The following PRR27 variants were observed in gnomAD, a reference collection of about 807,000 sequenced individuals.
The protein encoded by PRR27 is proline rich 27, also known as proline-rich protein 27.
A neutral mutation model predicts 16.8 loss-of-function variants in PRR27; 12 were observed. That is an observed-to-expected ratio of 0.71 (90% CI 0.46 to 1.16). PRR27 has a LOEUF of 1.16. Ranked by LOEUF, PRR27 falls within the 50% of genes most tolerant of loss-of-function variation. The pLI is 0.00. For synonymous variants in PRR27, 100 were observed against 98.4 expected, an observed-to-expected ratio of 1.02 and a Z score of -0.10; for missense variants, 277 against 273.3, an observed-to-expected ratio of 1.01 and a Z score of -0.10.
chr4:70,158,517 C>T lies in PRR27; in HGVS notation c.265C>T (p.His89Tyr), dbSNP rs147641899. ...TTCTCCTGGATTCCCCTATGTCTAT[C>T]ACATCCGTGGTTTTCCCTTAGCTAC... ...LTSPGFPYVYHIRGFPLATQL... is the reference protein window; with the variant it reads ...LTSPGFPYVYYIRGFPLATQL... Residue 89 changes from histidine to tyrosine, a missense_variant, in exon 3 of 5, where the codon CAC becomes TAC. His to Tyr is a moderately conservative substitution (Grantham distance 83, BLOSUM62 2). Transcript: ENST00000344526. 24 of 1,614,056 alleles carry T rather than the reference C, an allele frequency of 1.5e-5. No homozygotes were observed. The African/African-American group carries it at 2.7e-4, about 18-fold the overall frequency.
At position 70,158,811 on chromosome 4, in the gene PRR27, G is replaced by C. The variant is rs2109791972; in HGVS notation, c.559G>C (p.Glu187Gln). The C allele has an allele frequency of 1.2e-6, 2 of 1,613,954 alleles. No homozygotes were observed. Among genetic ancestry groups the C allele is most frequent in the East Asian group, 4.5e-5 (2 of 44,858 alleles). Residue 187 changes from glutamate to glutamine, a missense_variant, in exon 3 of 5, where the codon GAG becomes CAG. Glu to Gln is a conservative substitution (Grantham distance 29). Transcript: ENST00000344526. ...TGCTGCAGAGGCACCTGTTGGAGTG[G>C]AGCCAGCTGCAGAGGAACCTTCACC... ...EPAAEAPVGV[E>Q]PAAEEPSPAE...
chr4:70,154,841 A>T, intron 1 of PRR27: 1 of 1,054,314 alleles, frequency 9.5e-7, no homozygotes, highest in South Asian at 1.3e-5. Flanking sequence ...AAGTAAATGC[A>T]CATCATACCT....
At chr4:70,160,437 C>CTGTGTGTGTGTG (rs1413873981) in intron 3 of PRR27, among the ~76,000 whole-genome samples, 1,943 of 77,478 alleles carry the variant, frequency 0.025, 33 homozygotes, top group East Asian at 0.057. Flanking sequence ...CTCTCTCTCT[C>CTGTGTGTGTGTG]TCTCTCTGTG....
chr4:70,162,635 TTAAG>T (rs1351732589), intron 4 of PRR27, 56 bp from the exon 5 acceptor site: 3 of 152,192 alleles, frequency 2.0e-5, no homozygotes, highest in Non-Finnish European at 4.4e-5. Flanking sequence ...TAATTTTGCT[TTAAG>T]TGTGAGTCAT....
intron 2 of PRR27, among the ~76,000 whole-genome samples, chr4:70,157,317 A>G (rs554838589): frequency 6.6e-6 from 1 of 152,114 alleles, no homozygotes; most frequent in African/African-American, 2.4e-5. Flanking sequence ...TGGCACAGAG[A>G]AGGTACACAT....
chr4:70,158,922 A>T, intron 3 of PRR27, 22 bp downstream of exon 3: 2 of 1,570,206 alleles, frequency 1.3e-6, no homozygotes, highest in Non-Finnish European at 1.7e-6. Context: ...ATATCTTACC[A>T]CTATAATGTA....
At chr4:70,161,543 A>G in intron 3 of PRR27, 43 bp from the exon 4 acceptor site, 1 of 1,302,438 alleles carries the variant, frequency 7.7e-7, no homozygotes, top group Non-Finnish European at 1.1e-6. Context: ...AATAAAGTAC[A>G]TTTGATTGTT....
At chr4:70,160,027 TTA>T (rs910986458) in intron 3 of PRR27, among the ~76,000 whole-genome samples, 39 of 151,794 alleles carry the variant, frequency 2.6e-4, no homozygotes, top group Admixed American at 6.6e-4. Context: ...TATCCTCTTT[TTA>T]AAAAAAAAAT....
rs1278143714 is a variant in PRR27 at position 70,166,395 on chromosome 4, A to T, written c.*3734A>T. 2.0e-5 allele frequency: 3 copies of T among 152,060 alleles called. No homozygotes were observed. Among genetic ancestry groups the T allele is most frequent in the Non-Finnish European group, 2.9e-5 (2 of 67,934 alleles). The allele number at this position is 152,060 out of a possible 1,614,324, so 9.4% of individuals were successfully genotyped here. The stretch of plus-strand genomic sequence containing the variant: ...GTGTGCATGTGCATGCATAGTAAAA[A>T]TCTTAACCCAAAACTGAAATAAAAA... On this transcript the variant is annotated 3_prime_UTR_variant, in exon 5 of 5. Coordinates refer to ENST00000344526, the MANE Select transcript of PRR27 (RefSeq NM_214711.4).
intron 3 of PRR27, among the ~76,000 whole-genome samples, chr4:70,160,265 C>A (rs184490493): frequency 1.8e-4 from 28 of 152,172 alleles, no homozygotes; most frequent in Non-Finnish European, 3.4e-4. Flanking sequence ...GCTTAGCTCC[C>A]ATTTATAAGT....
In PRR27 at chr4:70,165,899, A is replaced by C. The variant is rs915017652; in HGVS notation, c.*3238A>C. ...TCCAGTGATTGCCAGATGGCCCACT[A>C]TACATCCTTTCTTCTATTTCTTTCT... On this transcript the variant is annotated 3_prime_UTR_variant, in exon 5 of 5. Coordinates refer to ENST00000344526, the MANE Select transcript of PRR27 (RefSeq NM_214711.4). The C allele has an allele frequency of 6.6e-6, 1 of 152,106 alleles. No individual in the cohort carries two copies. Among genetic ancestry groups the C allele is most frequent in the African/African-American group, 2.4e-5 (1 of 41,436 alleles). 9.4% of individuals were successfully genotyped at this position (152,106 alleles called of 1,614,324 possible).
rs147658012 is a variant in PRR27 at position 70,164,030 on chromosome 4, A to G, written c.*1369A>G. The G allele has an allele frequency of 6.6e-6, 1 of 152,068 alleles. No individual in the cohort carries two copies. The highest frequency in any genetic ancestry group is 1.5e-5 in the Non-Finnish European group (1 of 68,014). 9.4% of individuals were successfully genotyped at this position (152,068 alleles called of 1,614,324 possible). On this transcript the variant is annotated 3_prime_UTR_variant, in exon 5 of 5. Transcript: ENST00000344526. ...CAGAATACTCTTCCCTGAGCACTCT[A>G]TCTAAATAAATCCCTCTTCTGCAAC...
At position 70,166,268 on chromosome 4, in the gene PRR27, TTTAAG is replaced by T. The variant is rs1728765093; in HGVS notation, c.*3612_*3616del. 6.6e-6 allele frequency: 1 copy of T among 152,068 alleles called. No homozygotes were observed. The highest frequency in any genetic ancestry group is 1.5e-5 in the Non-Finnish European group (1 of 67,952). 9.4% of individuals were successfully genotyped at this position (152,068 alleles called of 1,614,324 possible). On this transcript the variant is annotated 3_prime_UTR_variant, in exon 5 of 5. Coordinates refer to ENST00000344526, the MANE Select transcript of PRR27 (RefSeq NM_214711.4). ...TTATGCTATAGAACTTATAGACTAA[TTTAAG>T]TTAATTATAGGCCTTATCTCAGACC...
intron 1 of PRR27, chr4:70,154,724 A>G: frequency 7.3e-7 from 1 of 1,366,646 alleles, no homozygotes; most frequent in Non-Finnish European, 9.6e-7. Context: ...ATCTTAACAG[A>G]GTTTATCTCT....
chr4:70,157,750 A>G (rs1409766380), intron 2 of PRR27, among the ~76,000 whole-genome samples: 1 of 152,004 alleles, frequency 6.6e-6, no homozygotes, highest in Non-Finnish European at 1.5e-5. Flanking sequence ...CGATCTCTTG[A>G]CCTCGTGATC....
In PRR27 at chr4:70,158,722, A is replaced by AGCCTGCTGCAGAGGCACCTGT; in HGVS notation, c.471_491dup (p.Pro158_Val164dup). ...GCTGCAGGGGCCCCTGTTGCAGCTG[A>AGCCTGCTGCAGAGGCACCTGT]GCCTGCTGCAGAGGCACCTGTTGGA... On this transcript the variant is annotated inframe_insertion, in exon 3 of 5. Transcript: ENST00000344526. 1.9e-6 allele frequency: 3 copies of AGCCTGCTGCAGAGGCACCTGT among 1,580,450 alleles called. No homozygotes were observed. The highest frequency in any genetic ancestry group is 1.7e-4 in the Middle Eastern group (1 of 5,984).
At chr4:70,158,953 A>AG (rs1728568391) in intron 3 of PRR27, 53 bp downstream of exon 3, 10 of 1,226,224 alleles carry the variant, frequency 8.2e-6, no homozygotes, top group South Asian at 4.2e-5. Flanking sequence ...GATTTGTAGA[A>AG]GGGGAAAAAA....
rs1728716444 is a variant in PRR27, at chr4:70,164,275, T to C, written c.*1614T>C. On this transcript the variant is annotated 3_prime_UTR_variant, in exon 5 of 5. Transcript: ENST00000344526. ...CATATTCAGTGACCAGTGAATATTT[T>C]TGGAAGGAAAGAAAAGAAGAAAGAA... 2 of 152,124 alleles carry C rather than the reference T, an allele frequency of 1.3e-5. No individual in the cohort carries two copies. The highest frequency in any genetic ancestry group is 1.3e-4 in the Admixed American group (2 of 15,258). The allele number at this position is 152,124 out of a possible 1,614,324, so 9.4% of individuals were successfully genotyped here.
At chr4:70,162,587 C>A (rs538978155) in intron 4 of PRR27, 108 bp from the exon 5 acceptor site, 25 of 152,204 alleles carry the variant, frequency 1.6e-4, no homozygotes, top group African/African-American at 5.8e-4. Flanking sequence ...TCATTATGGT[C>A]TTTTTGAAAT....
Sources: gnomAD v4.1 joint callset for allele counts (sites outside exome capture counted in the v4.1 genomes callset) on GRCh38, gnomAD v4.1.1 for gene constraint, MANE v1.5 for transcripts, NCBI Gene and HGNC (gene_info 2026-07-23, HGNC 2026-07-21) for gene names.